The following BMPER variants were observed in gnomAD, a reference collection of about 807,000 sequenced individuals.
The protein encoded by BMPER is BMP binding endothelial regulator, also known as BMP-binding endothelial regulator protein.
Under a neutral mutation model 87.3 loss-of-function variants are expected in BMPER, and 45 were observed. That is an observed-to-expected ratio of 0.52 (90% confidence interval 0.41 to 0.66). The LOEUF (loss-of-function observed/expected upper bound fraction) is 0.66, where lower values mean the gene tolerates loss of function less well. Among genes scored for constraint, BMPER ranks in the 30% least tolerant of loss-of-function variants. The pLI is 0.00. For missense variants in BMPER, 784 were observed against 867.5 expected (o/e 0.90, Z 1.21); for synonymous variants, 326 against 316.2 (o/e 1.03, Z -0.33).
intron 2 of BMPER, among the ~76,000 whole-genome samples, chr7:33,909,970 G>A (rs1021512126): frequency 5.9e-5 from 9 of 152,268 alleles, no homozygotes; most frequent in Admixed American, 4.6e-4. Context: ...CATCCTCTGC[G>A]TAGACCTGAG....
At chr7:34,124,641 CTATGCA>C (rs1188193958) in intron 13 of BMPER, among the ~76,000 whole-genome samples, 1 of 152,030 alleles carries the variant, frequency 6.6e-6, no homozygotes, top group Non-Finnish European at 1.5e-5. Flanking sequence ...TTTCTACAAT[CTATGCA>C]TATTATTTGT....
intron 6 of BMPER, among the ~76,000 whole-genome samples, chr7:34,045,206 TAAGA>T (rs1787929850): frequency 6.6e-6 from 1 of 152,214 alleles, no homozygotes; most frequent in Non-Finnish European, 1.5e-5. Context: ...CTGATTTTCT[TAAGA>T]AAGAAAAGAA....
At chr7:33,981,894 C>T (rs1213976653) in intron 6 of BMPER, among the ~76,000 whole-genome samples, 1 of 152,158 alleles carries the variant, frequency 6.6e-6, no homozygotes, top group Non-Finnish European at 1.5e-5. Flanking sequence ...GAAAAGTGTT[C>T]CTAAGCCTCA....
intron 6 of BMPER, among the ~76,000 whole-genome samples, chr7:34,000,487 A>T (rs953666525): frequency 6.6e-6 from 1 of 152,108 alleles, no homozygotes; most frequent in Admixed American, 6.5e-5. Context: ...AGAAAAGAAA[A>T]ATATTTTTAA....
intron 2 of BMPER, among the ~76,000 whole-genome samples, chr7:33,919,923 A>ATATCTGTC (rs60667742): frequency 6.0e-5 from 9 of 150,712 alleles, no homozygotes; most frequent in African/African-American, 2.2e-4. Context: ...ATCTGTGTAC[A>ATATCTGTC]TATCTATCTA....
chr7:34,089,899 A>G (rs1219433197), intron 13 of BMPER, among the ~76,000 whole-genome samples: 2 of 152,222 alleles, frequency 1.3e-5, no homozygotes, highest in Admixed American at 1.3e-4. Flanking sequence ...TTGTAAATGA[A>G]TGAGAAATTA....
chr7:34,041,705 G>A (rs748064578), intron 6 of BMPER, among the ~76,000 whole-genome samples: 5 of 152,046 alleles, frequency 3.3e-5, no homozygotes, highest in Non-Finnish European at 7.4e-5. Flanking sequence ...CACTAAAGAC[G>A]TATTTCTCCC....
chr7:34,041,666 A>C (rs1214085781), intron 6 of BMPER, among the ~76,000 whole-genome samples: 1 of 152,116 alleles, frequency 6.6e-6, no homozygotes, highest in Non-Finnish European at 1.5e-5. Context: ...GATGTGATGT[A>C]AGATTATGGA....
chr7:33,960,824 A>G (rs1015067038), intron 3 of BMPER, among the ~76,000 whole-genome samples: 13 of 152,298 alleles, frequency 8.5e-5, no homozygotes, highest in African/African-American at 3.1e-4. Flanking sequence ...GAATAGCTGT[A>G]TGTTGGTGCC....
chr7:33,989,076 A>G (rs898037824), intron 6 of BMPER, among the ~76,000 whole-genome samples: 12 of 132,578 alleles, frequency 9.1e-5, no homozygotes, highest in Non-Finnish European at 1.9e-4. Context: ...CAATAAACAT[A>G]CGTGTGCATG....
At chr7:33,906,929 A>T (rs1783834590) in intron 2 of BMPER, 26 bp downstream of exon 2, 1 of 1,554,954 alleles carries the variant, frequency 6.4e-7, no homozygotes, top group African/African-American at 1.4e-5. Context: ...AGGTAATATG[A>T]ACTCAACTGC....
chr7:34,026,908 G>A (rs944072463), intron 6 of BMPER, among the ~76,000 whole-genome samples: 7 of 152,020 alleles, frequency 4.6e-5, no homozygotes, highest in Admixed American at 2.0e-4. Flanking sequence ...GGCTTTGATG[G>A]CCCATATTTG....
intron 6 of BMPER, among the ~76,000 whole-genome samples, chr7:34,005,684 T>C (rs1461537441): frequency 6.6e-6 from 1 of 151,926 alleles, no homozygotes; most frequent in East Asian, 1.9e-4. Context: ...GGATTACAGG[T>C]GTGAGCCGCT....
chr7:34,117,692 T>G (rs1790152875), intron 13 of BMPER, among the ~76,000 whole-genome samples: 1 of 152,186 alleles, frequency 6.6e-6, no homozygotes, highest in South Asian at 2.1e-4. Flanking sequence ...CTCTGAAAAG[T>G]TTTTGCGTAG....
chr7:33,928,537 G>A (rs1002775661), intron 2 of BMPER, among the ~76,000 whole-genome samples: 1 of 150,188 alleles, frequency 6.7e-6, no homozygotes, highest in Non-Finnish European at 1.5e-5. Flanking sequence ...ACAGAATGAG[G>A]AGCTGTTTGA....
At chr7:33,953,650 C>T (rs1336264278) in intron 3 of BMPER, among the ~76,000 whole-genome samples, 8 of 152,204 alleles carry the variant, frequency 5.3e-5, no homozygotes, top group Admixed American at 6.5e-5. Context: ...ACACACATAA[C>T]ATAAAATTTA....
Position 34,055,163 on chromosome 7 carries a change from G to T in BMPER, c.787G>T (p.Asp263Tyr). ...YDNCTACTCR[D>Y]STVVCKRKCS... ...TTCTATTTTGCCTTTGGGCCCCCAG[G>T]ACTCTACTGTGGTTTGCAAGAGGAA... is the stretch of plus-strand genomic sequence containing the variant. The change falls in exon 9 of 15, where the codon GAC becomes TAC. Residue 263 changes from aspartate (D) to tyrosine (Y), a missense_variant and splice_region_variant. Asp to Tyr is a radical substitution (Grantham distance 160). Transcript: ENST00000649409. 6.2e-7 allele frequency: 1 copy of T among 1,614,160 alleles called. No individual in the cohort carries two copies.
chr7:34,094,747 ATGAGGGTTTGTG>A (rs1302835626), intron 13 of BMPER, among the ~76,000 whole-genome samples: 2 of 152,122 alleles, frequency 1.3e-5, no homozygotes, highest in African/African-American at 4.8e-5. Context: ...CCCCATTGCT[ATGAGGGTTTGTG>A]TGAGGGTTGC....
At chr7:33,933,110 TGCGGCGGGA>T (rs1343982518) in intron 2 of BMPER, among the ~76,000 whole-genome samples, 2 of 152,228 alleles carry the variant, frequency 1.3e-5, no homozygotes, top group Admixed American at 6.5e-5. Context: ...GAACTTGGCT[TGCGGCGGGA>T]GCTGTGGTTT....
Sources: allele counts gnomAD v4.1 joint callset (sites outside exome capture counted in the v4.1 genomes callset), GRCh38; gene constraint gnomAD v4.1.1; transcripts MANE v1.5; gene names NCBI Gene and HGNC (gene_info 2026-07-23, HGNC 2026-07-21).